Variants in NT5C3A observed in about 807,000 individuals in gnomAD.
NT5C3A encodes cytosolic 5'-nucleotidase 3A.
In NT5C3A, 23 loss-of-function variants were observed where a neutral mutation model predicts 40.0. The ratio of observed to expected loss-of-function variants is 0.58; its 90% CI spans 0.41 to 0.81. NT5C3A has a LOEUF of 0.81. NT5C3A is among the 40% of genes least tolerant of loss of function. The pLI is 0.00. For synonymous variants in NT5C3A, 130 were observed against 141.4 expected, an observed-to-expected ratio of 0.92 and a Z score of 0.57; for missense variants, 328 against 403.0, an observed-to-expected ratio of 0.81 and a Z score of 1.59.
At chr7:33,016,047 G>A (rs1386525563) in intron 7 of NT5C3A, 177 bp from the exon 8 acceptor site, 6 of 603,936 alleles carry the variant, frequency 9.9e-6, no homozygotes, top group East Asian at 2.8e-5. Context: ...AGAAGGGCTC[G>A]GAGAAGTAAA....
intron 1 of NT5C3A, among the ~76,000 whole-genome samples, chr7:33,037,097 A>C (rs1003615356): frequency 3.3e-5 from 5 of 152,246 alleles, no homozygotes; most frequent in Non-Finnish European, 7.3e-5. Flanking sequence ...GGCATGAGCC[A>C]CTGCGCCCGG....
intron 1 of NT5C3A, 67 bp downstream of exon 1, chr7:33,062,501 G>GC: frequency 7.0e-7 from 1 of 1,433,868 alleles, no homozygotes; most frequent in Non-Finnish European, 9.7e-7. Flanking sequence ...AGCACAGGCT[G>GC]CCGAGGCCAG....
intron 1 of NT5C3A, among the ~76,000 whole-genome samples, chr7:33,037,957 C>CT (rs1352880322): frequency 6.6e-6 from 1 of 152,032 alleles, no homozygotes; most frequent in African/African-American, 2.4e-5. Context: ...TTTCCTTGGT[C>CT]TAACTTTTTT....
In NT5C3A at chr7:33,021,432, A is replaced by T. The variant is rs1275568224; in HGVS notation, c.355-75T>A. On this transcript the variant is annotated intron_variant, in intron 4 of 8. Transcript: ENST00000610140. ...TGCTTGGTTTTATAGAAAGCAAAAC[A>T]ATGTAAACAAGTATTTTCAACAAAC... is the stretch of plus-strand genomic sequence containing the variant. The T allele has an allele frequency of 2.0e-6, 3 of 1,528,098 alleles. No homozygotes were observed. The East Asian group carries it at 6.9e-5, about 35-fold the overall frequency. The allele number at this position is 1,528,098 out of a possible 1,614,324, so 94.7% of individuals were successfully genotyped here.
intron 5 of NT5C3A, 64 bp from the exon 6 acceptor site, chr7:33,019,788 T>C: frequency 1.1e-6 from 1 of 907,154 alleles, no homozygotes. Flanking sequence ...ATTATCTTTA[T>C]TACAAAACAT....
intron 1 of NT5C3A, among the ~76,000 whole-genome samples, chr7:33,031,107 CAA>C (rs11407650): frequency 3.0e-5 from 4 of 131,790 alleles, no homozygotes; most frequent in Non-Finnish European, 1.6e-5. Context: ...CAAAAAAAAA[CAA>C]AAAAAAAAAA....
chr7:33,033,361 A>G (rs928686189), intron 1 of NT5C3A, among the ~76,000 whole-genome samples: 1 of 152,192 alleles, frequency 6.6e-6, no homozygotes, highest in Non-Finnish European at 1.5e-5. Flanking sequence ...GCACTACTAA[A>G]TTTTAGTAAT....
At chr7:33,059,168 A>T (rs74656772) in intron 1 of NT5C3A, among the ~76,000 whole-genome samples, 3,584 of 152,336 alleles carry the variant, frequency 0.024, 141 homozygotes, top group African/African-American at 0.081. Flanking sequence ...GAGAGGCTAG[A>T]CATTAGGGAA....
chr7:33,020,301 A>G lies in NT5C3A; in HGVS notation c.441-577T>C, dbSNP rs115041113. Among the ~76,000 whole-genome samples the G allele has an allele frequency of 1.6e-3, 240 of 151,830 alleles. 1 individual carries two copies. Among genetic ancestry groups the G allele is most frequent in the African/African-American group, 5.8e-3 (238 of 41,268 alleles). ...AAAACAGAAAGAAAGAAACGAAAAG[A>G]AAAAAAAGCCTAACTCTTCATCTGA... On this transcript the variant is annotated intron_variant, in intron 5 of 8. Coordinates refer to ENST00000610140, the MANE Select transcript of NT5C3A (RefSeq NM_001002010.5).
In NT5C3A at chr7:33,023,794, CATATTTGGCAAGAA is replaced by C. The variant is rs1785764431; in HGVS notation, c.307+231_307+244del. ...AATATTTCTTGAATAATGAATAGAC[CATATTTGGCAAGAA>C]ATATTTCAGGAGTCTCTGATTCCCT... On this transcript the variant is annotated intron_variant, in intron 3 of 8. Transcript: ENST00000610140. The C allele has an allele frequency of 8.3e-5, 41 of 494,330 alleles. No individual in the cohort carries two copies. The South Asian group carries it at 9.5e-4, about 12-fold the overall frequency. 30.6% of individuals were successfully genotyped at this position (494,330 alleles called of 1,614,324 possible). A position where few individuals can be genotyped will look rare whatever the true frequency, so the allele number is the denominator to read the frequency against.
intron 1 of NT5C3A, among the ~76,000 whole-genome samples, chr7:33,030,609 G>A (rs1786194731): frequency 6.6e-6 from 1 of 152,136 alleles, no homozygotes; most frequent in Non-Finnish European, 1.5e-5. Flanking sequence ...AAGAATCAGG[G>A]TATGTTGGTT....
intron 1 of NT5C3A, among the ~76,000 whole-genome samples, chr7:33,055,036 T>C (rs1787516720): frequency 6.6e-6 from 1 of 152,150 alleles, no homozygotes; most frequent in Non-Finnish European, 1.5e-5. Context: ...AAACAAAAGA[T>C]ACATGCTATC....
At chr7:33,042,574 C>CT (rs1344763425) in intron 1 of NT5C3A, among the ~76,000 whole-genome samples, 2 of 152,102 alleles carry the variant, frequency 1.3e-5, no homozygotes, top group Admixed American at 6.6e-5. Context: ...CTTAAATGTA[C>CT]TTTAATATTA....
chr7:33,026,761 TGGAATTACA>T, intron 2 of NT5C3A, 47 bp downstream of exon 2: 1 of 1,225,860 alleles, frequency 8.2e-7, no homozygotes, highest in Admixed American at 1.7e-5. Context: ...CCCAAAGTGC[TGGAATTACA>T]GGCATGAGCC....
intron 1 of NT5C3A, among the ~76,000 whole-genome samples, chr7:33,059,640 T>C (rs376089885): frequency 1.3e-5 from 2 of 152,208 alleles, no homozygotes; most frequent in African/African-American, 4.8e-5. Context: ...TATCTCCCAA[T>C]TAATAGATGA....
intron 7 of NT5C3A, among the ~76,000 whole-genome samples, chr7:33,016,612 G>A (rs1401081180): frequency 6.8e-6 from 1 of 146,808 alleles, no homozygotes; most frequent in East Asian, 2.0e-4. Flanking sequence ...GGAGGTTGCT[G>A]TGAGCTAAGA....
chr7:33,051,733 A>G (rs902365291), intron 1 of NT5C3A, among the ~76,000 whole-genome samples: 4 of 152,164 alleles, frequency 2.6e-5, no homozygotes, highest in Admixed American at 6.5e-5. Flanking sequence ...ATATTAATTT[A>G]GTGCGTGCTC....
intron 7 of NT5C3A, 157 bp from the exon 8 acceptor site, chr7:33,016,027 A>G: frequency 1.6e-6 from 1 of 639,864 alleles, no homozygotes; most frequent in Non-Finnish European, 2.8e-6. Flanking sequence ...CATCACATTC[A>G]CCATAGCTAA....
intron 1 of NT5C3A, among the ~76,000 whole-genome samples, chr7:33,040,627 G>A (rs1786868442): frequency 1.3e-5 from 2 of 152,122 alleles, no homozygotes; most frequent in Non-Finnish European, 2.9e-5. Context: ...ACATCTACAG[G>A]TGAAACAAGA....
Sources: gnomAD v4.1 joint callset for allele counts (sites outside exome capture counted in the v4.1 genomes callset) on GRCh38, gnomAD v4.1.1 for gene constraint, MANE v1.5 for transcripts, NCBI Gene and HGNC (gene_info 2026-07-23, HGNC 2026-07-21) for gene names.